JAK2: variants seen among roughly 807,000 people sequenced by gnomAD.
JAK2 encodes the protein Janus kinase 2.
In JAK2, 86 loss-of-function variants were observed where a neutral mutation model predicts 139.3. That is an observed-to-expected ratio of 0.62 (90% CI 0.52 to 0.74). The LOEUF (loss-of-function observed/expected upper bound fraction) is 0.74. Among genes scored for constraint, JAK2 ranks in the 30% least tolerant of loss-of-function variants. The probability of loss-of-function intolerance (pLI) is 0.00; values close to 1 mark genes in which losing one functional copy is unlikely to be tolerated. For missense variants in JAK2, 1,421 were observed against 1,360.3 expected, an observed-to-expected ratio of 1.04 and a Z score of -0.70; for synonymous variants, 490 against 437.7, an observed-to-expected ratio of 1.12 and a Z score of -1.49.
chr9:5,093,653 C>G (rs1282644172), intron 22 of JAK2, among the ~76,000 whole-genome samples: 1 of 152,208 alleles, frequency 6.6e-6, no homozygotes, highest in South Asian at 2.1e-4. Flanking sequence ...CTCCGAACAA[C>G]CTAAACTAAG....
At chr9:5,115,503 C>CA (rs1197038635) in intron 22 of JAK2, among the ~76,000 whole-genome samples, 9 of 152,276 alleles carry the variant, frequency 5.9e-5, no homozygotes, top group Non-Finnish European at 1.0e-4. Flanking sequence ...GACAGTGTGG[C>CA]AATTCCTCCA....
At chr9:5,072,402 A>C (rs1819015401) in intron 12 of JAK2, 90 bp from the exon 13 acceptor site, 2 of 965,414 alleles carry the variant, frequency 2.1e-6, no homozygotes, top group Admixed American at 6.2e-5. Flanking sequence ...TATGGATTTA[A>C]AAAAATTCTT....
chr9:5,035,956 T>A (rs1468246912), intron 4 of JAK2, among the ~76,000 whole-genome samples: 1 of 152,212 alleles, frequency 6.6e-6, no homozygotes, highest in African/African-American at 2.4e-5. Context: ...TGTTTGCAGA[T>A]GACATGATTG....
At chr9:5,080,200 A>C (rs191391146) in intron 16 of JAK2, 29 bp from the exon 17 acceptor site, 1 of 1,522,734 alleles carries the variant, frequency 6.6e-7, no homozygotes, top group Admixed American at 2.0e-5. Flanking sequence ...TGAATTATTT[A>C]ACCCTACTCT....
intron 2 of JAK2, among the ~76,000 whole-genome samples, chr9:4,997,343 C>G (rs1476146921): frequency 6.6e-6 from 1 of 152,168 alleles, no homozygotes; most frequent in Non-Finnish European, 1.5e-5. Flanking sequence ...ATGGGGCTGA[C>G]ATTTGCTCAG....
intron 2 of JAK2, among the ~76,000 whole-genome samples, chr9:4,988,065 C>A (rs892159394): frequency 6.6e-6 from 1 of 152,206 alleles, no homozygotes; most frequent in Non-Finnish European, 1.5e-5. Flanking sequence ...CTTAAACCCC[C>A]ATTGTGTTGC....
intron 22 of JAK2, among the ~76,000 whole-genome samples, chr9:5,120,223 T>C (rs1823510944): frequency 6.6e-6 from 1 of 152,146 alleles, no homozygotes; most frequent in African/African-American, 2.4e-5. Flanking sequence ...AGGGGCCAAA[T>C]GCTGCATGAA....
At chr9:5,036,270 A>C (rs1466438663) in intron 4 of JAK2, among the ~76,000 whole-genome samples, 2 of 152,240 alleles carry the variant, frequency 1.3e-5, no homozygotes, top group Non-Finnish European at 2.9e-5. Flanking sequence ...ATGGGTAGGA[A>C]GAATCAATAT....
At chr9:5,041,143 GCT>G in intron 4 of JAK2, 1 of 1,077,286 alleles carries the variant, frequency 9.3e-7, no homozygotes, top group East Asian at 2.4e-5. Flanking sequence ...TCGCCATCCG[GCT>G]GATCACGCGC....
intron 2 of JAK2, among the ~76,000 whole-genome samples, chr9:4,990,919 A>G (rs1343052612): frequency 6.6e-6 from 1 of 152,188 alleles, no homozygotes; most frequent in East Asian, 1.9e-4. Context: ...AATTTTAGGC[A>G]TAATAAAACC....
chr9:5,112,905 G>A (rs964014913), intron 22 of JAK2: 5 of 312,052 alleles, frequency 1.6e-5, no homozygotes, highest in Admixed American at 1.6e-4. Flanking sequence ...GCTGGGCCCA[G>A]AACGCCCACT....
intron 22 of JAK2, among the ~76,000 whole-genome samples, chr9:5,093,187 A>G (rs1471893540): frequency 1.3e-5 from 2 of 152,228 alleles, no homozygotes; most frequent in East Asian, 3.8e-4. Flanking sequence ...TTTTACAATA[A>G]GCATCCTATT....
chr9:5,002,355 A>G (rs1820974942), intron 2 of JAK2, among the ~76,000 whole-genome samples: 1 of 151,912 alleles, frequency 6.6e-6, no homozygotes. Context: ...TCAGGTGAAA[A>G]TAATTTCTGA....
At chr9:5,111,333 G>A (rs1822506911) in intron 22 of JAK2, 1 of 430,108 alleles carries the variant, frequency 2.3e-6, no homozygotes, top group Non-Finnish European at 4.5e-6. Context: ...GTCCCCCTCA[G>A]GCATGAAGGG....
chr9:5,024,216 A>G (rs982873468), intron 3 of JAK2, among the ~76,000 whole-genome samples: 2 of 152,160 alleles, frequency 1.3e-5, no homozygotes, highest in Admixed American at 1.3e-4. Flanking sequence ...AGATTGCGCC[A>G]CTGCACTCCA....
At chr9:5,081,476 C>T (rs540495406) in intron 18 of JAK2, among the ~76,000 whole-genome samples, 2 of 152,258 alleles carry the variant, frequency 1.3e-5, no homozygotes, top group East Asian at 3.9e-4. Flanking sequence ...TATTACCTTA[C>T]TTTATGAATA....
intron 2 of JAK2, among the ~76,000 whole-genome samples, chr9:5,018,570 C>G (rs1247221649): frequency 6.6e-6 from 1 of 152,160 alleles, no homozygotes; most frequent in East Asian, 1.9e-4. Flanking sequence ...AACTCCTGGG[C>G]TCAAGCAGTC....
intron 22 of JAK2, among the ~76,000 whole-genome samples, chr9:5,105,569 A>C (rs1821886153): frequency 6.6e-6 from 1 of 152,212 alleles, no homozygotes; most frequent in Non-Finnish European, 1.5e-5. Flanking sequence ...AACTACTTTC[A>C]AGTTCATATG....
intron 22 of JAK2, chr9:5,099,338 T>C (rs1308317973): frequency 1.3e-5 from 2 of 152,228 alleles, no homozygotes; most frequent in Non-Finnish European, 2.9e-5. Context: ...AAAATATCAC[T>C]GTAAAGCTAT....
Sources: gnomAD v4.1 joint callset for allele counts (sites outside exome capture counted in the v4.1 genomes callset) on GRCh38, gnomAD v4.1.1 for gene constraint, MANE v1.5 for transcripts, NCBI Gene and HGNC (gene_info 2026-07-23, HGNC 2026-07-21) for gene names.